Variants in MMEL1 observed in about 807,000 individuals in gnomAD.
The protein encoded by MMEL1 is membrane metalloendopeptidase like 1, also known as membrane metallo-endopeptidase-like 1.
Under a neutral mutation model 117.1 loss-of-function variants are expected in MMEL1, and 98 were observed. The observed-to-expected ratio is 0.84, with a 90% CI of 0.71 to 0.99. The LOEUF is 0.99. Ranked by LOEUF, MMEL1 falls within the 50% of genes least tolerant of loss-of-function variation. MMEL1 has a pLI of 0.00. For synonymous variants in MMEL1, 390 were observed against 415.1 expected, an observed-to-expected ratio of 0.94 and a Z score of 0.74; for missense variants, 1,014 against 1,049.1, an observed-to-expected ratio of 0.97 and a Z score of 0.46.
At chr1:2,614,830 T>C (rs1645178353) in intron 2 of MMEL1, among the ~76,000 whole-genome samples, 2 of 151,306 alleles carry the variant, frequency 1.3e-5, no homozygotes, top group African/African-American at 2.4e-5. Context: ...TGGTTGATTA[T>C]ACAACTGGGG....
At chr1:2,621,342 A>G (rs1221988901) in intron 2 of MMEL1, among the ~76,000 whole-genome samples, 1 of 152,194 alleles carries the variant, frequency 6.6e-6, no homozygotes, top group Non-Finnish European at 1.5e-5. Context: ...TAAGTCTAAT[A>G]AGAACTACAA....
At chr1:2,606,178 G>T in intron 8 of MMEL1, 70 bp downstream of exon 8, 2 of 1,259,598 alleles carry the variant, frequency 1.6e-6, no homozygotes, top group Non-Finnish European at 2.3e-6. Flanking sequence ...CCATCCTTCT[G>T]CTGTGCTGCA....
intron 4 of MMEL1, among the ~76,000 whole-genome samples, chr1:2,610,920 C>A (rs1483599779): frequency 6.6e-6 from 1 of 152,222 alleles, no homozygotes; most frequent in African/African-American, 2.4e-5. Context: ...CTGCAAATAG[C>A]GGTACCTGAC....
In MMEL1 at chr1:2,596,588, C is replaced by T. The variant is rs1164046808; in HGVS notation, c.1374G>A (p.Glu458=). 3 of 1,612,106 alleles carry T rather than the reference C, an allele frequency of 1.9e-6. No individual in the cohort carries two copies. The African/African-American group carries it at 4.0e-5, about 22-fold the overall frequency. The change falls in exon 14 of 24, where the codon GAG becomes GAA. Residue 458 remains glutamate, a synonymous_variant. Transcript: ENST00000378412. ...ENAVGSLYVR[E]AFPGDSKSMV... Reference sequence around the variant, plus strand: ...TGCTCTTGCTGTCTCCAGGGAACGCCTCCCTGACGTAGAGGGAGCCCACGG... The same window carrying T: ...TGCTCTTGCTGTCTCCAGGGAACGCTTCCCTGACGTAGAGGGAGCCCACGG...
At chr1:2,627,823 G>T (rs1638343047) in intron 2 of MMEL1, among the ~76,000 whole-genome samples, 6 of 152,212 alleles carry the variant, frequency 3.9e-5, no homozygotes, top group Admixed American at 3.9e-4. Context: ...ATTCCTGGTG[G>T]GGGGTCTTGA....
intron 4 of MMEL1, among the ~76,000 whole-genome samples, chr1:2,610,860 G>C (rs1252586014): frequency 6.6e-6 from 1 of 152,218 alleles, no homozygotes; most frequent in Non-Finnish European, 1.5e-5. Flanking sequence ...CCACAGTCCA[G>C]AGCTTCTCCA....
intron 13 of MMEL1, 142 bp downstream of exon 13, chr1:2,598,065 C>G: frequency 1.4e-6 from 1 of 729,316 alleles, no homozygotes; most frequent in Non-Finnish European, 2.4e-6. Context: ...GGTCCACTCC[C>G]CACTGGGGTG....
At chr1:2,622,745 C>T (rs918348141) in intron 2 of MMEL1, among the ~76,000 whole-genome samples, 14 of 151,872 alleles carry the variant, frequency 9.2e-5, no homozygotes, top group Non-Finnish European at 1.8e-4. Flanking sequence ...ATTATTTGGG[C>T]GTGGTGGTGG....
At chr1:2,603,346 G>A (rs905889722) in intron 11 of MMEL1, among the ~76,000 whole-genome samples, 1 of 152,186 alleles carries the variant, frequency 6.6e-6, no homozygotes, top group Admixed American at 6.5e-5. Context: ...GGTGAGAGTC[G>A]GCTGAGGGAG....
At chr1:2,627,557 C>G (rs1172204028) in intron 2 of MMEL1, among the ~76,000 whole-genome samples, 2 of 151,966 alleles carry the variant, frequency 1.3e-5, no homozygotes, top group African/African-American at 2.4e-5. Context: ...GCAAGCCCAG[C>G]AAATATCAAA....
In MMEL1 at chr1:2,592,830, C is replaced by A. The variant is rs771932414; in HGVS notation, c.2001+3G>T. On this transcript the variant is annotated splice_donor_region_variant and intron_variant, in intron 20 of 23. Coordinates refer to ENST00000378412, the MANE Select transcript of MMEL1 (RefSeq NM_033467.4). ...CAGCCTGGGTGCTGGTGGCAGCGCT[C>A]ACGTTCTGTTCGTCTGCCAGGTCCC... 1 of 1,613,486 alleles carries A rather than the reference C, an allele frequency of 6.2e-7. No homozygotes were observed. The highest frequency in any genetic ancestry group is 1.1e-5 in the South Asian group (1 of 91,042).
intron 6 of MMEL1, 54 bp downstream of exon 6, chr1:2,609,285 G>T: frequency 6.4e-7 from 1 of 1,556,302 alleles, no homozygotes; most frequent in Non-Finnish European, 8.7e-7. Context: ...GCCCTGGCAG[G>T]GGCAGCCCGC....
chr1:2,593,358 A>C (rs1049190368), intron 19 of MMEL1, among the ~76,000 whole-genome samples: 1 of 152,216 alleles, frequency 6.6e-6, no homozygotes, highest in African/African-American at 2.4e-5. Context: ...GCCGAGCCAC[A>C]GGGGAAAACC....
At chr1:2,629,651 C>T (rs1638452164) in intron 1 of MMEL1, 130 bp from the exon 2 acceptor site, 2 of 792,198 alleles carry the variant, frequency 2.5e-6, no homozygotes, top group African/African-American at 1.8e-5. Context: ...CCGTCTCCCT[C>T]TCCAAGCTCA....
At position 2,598,200 on chromosome 1, in the gene MMEL1, G is replaced by A; in HGVS notation, c.1272+7C>T. 6.2e-7 allele frequency: 1 copy of A among 1,613,470 alleles called. No homozygotes were observed. Among genetic ancestry groups the A allele is most frequent in the Non-Finnish European group, 8.5e-7 (1 of 1,179,500 alleles). On this transcript the variant is annotated splice_region_variant and intron_variant, in intron 13 of 23. Transcript: ENST00000378412. ...CCGGCCAGGCTCTGGGCAGGGAAGGGGCTCACCTTGCGGTAGTTCACTCGT... is the reference window on the plus strand; with the variant it reads ...CCGGCCAGGCTCTGGGCAGGGAAGGAGCTCACCTTGCGGTAGTTCACTCGT...
chr1:2,602,976 G>C (rs1185764924), intron 11 of MMEL1, among the ~76,000 whole-genome samples: 1 of 152,152 alleles, frequency 6.6e-6, no homozygotes, highest in Non-Finnish European at 1.5e-5. Flanking sequence ...GTTTGGGAAG[G>C]GGATAAAGCC....
chr1:2,611,503 G>T, intron 3 of MMEL1, 163 bp from the exon 4 acceptor site: 1 of 515,240 alleles, frequency 1.9e-6, no homozygotes, highest in Non-Finnish European at 3.4e-6. Flanking sequence ...GCTGAAGCCA[G>T]TAGGGCAAGG....
At chr1:2,627,315 G>T (rs1638323700) in intron 2 of MMEL1, among the ~76,000 whole-genome samples, 1 of 152,186 alleles carries the variant, frequency 6.6e-6, no homozygotes. Context: ...TGATTCTTTA[G>T]TGCAAGATTT....
chr1:2,603,084 G>A (rs1035837450), intron 11 of MMEL1, among the ~76,000 whole-genome samples: 26 of 152,196 alleles, frequency 1.7e-4, no homozygotes, highest in African/African-American at 6.3e-4. Flanking sequence ...GACCAGAACC[G>A]ATCTAGGGAC....
Sources: gnomAD v4.1 joint callset for allele counts (sites outside exome capture counted in the v4.1 genomes callset) on GRCh38, gnomAD v4.1.1 for gene constraint, MANE v1.5 for transcripts, NCBI Gene and HGNC (gene_info 2026-07-23, HGNC 2026-07-21) for gene names.